TNR: variants seen among roughly 807,000 people sequenced by gnomAD.
TNR encodes the protein tenascin-R.
A neutral mutation model predicts 150.4 loss-of-function variants in TNR; 45 were observed. That is an observed-to-expected ratio of 0.30 (90% CI 0.24 to 0.38). TNR has a LOEUF of 0.38. Ranked by LOEUF, TNR falls within the 10% of genes least tolerant of loss-of-function variation. TNR has a pLI of 1.00. For missense variants in TNR, 1,544 were observed against 1,759.1 expected (o/e 0.88, Z 2.19); for synonymous variants, 687 against 678.4 (o/e 1.01, Z -0.20).
intron 20 of TNR, among the ~76,000 whole-genome samples, chr1:175,331,009 CTT>C (rs1209704454): frequency 2.1e-5 from 1 of 48,684 alleles, no homozygotes; most frequent in African/African-American, 7.6e-5. Flanking sequence ...TTCTTTCTTT[CTT>C]TCTTTCTTTC....
chr1:175,375,728 G>A lies in TNR; in HGVS notation c.1963+3824C>T, dbSNP rs540593696. Reference sequence around the variant, plus strand: ...TTTAAGTGTTGAGTCAACAGTGAGAGTAAAGGGGGCCTGACCTTGTGCCCA... The same window carrying A: ...TTTAAGTGTTGAGTCAACAGTGAGAATAAAGGGGGCCTGACCTTGTGCCCA... On this transcript the variant is annotated intron_variant, in intron 9 of 22. Transcript: ENST00000367674. Among the ~76,000 whole-genome samples the A allele has an allele frequency of 9.8e-5, 15 of 152,300 alleles. No individual in the cohort carries two copies. The East Asian group carries it at 1.7e-3, about 18-fold the overall frequency.
At chr1:175,517,069 G>C (rs2102165439) in intron 2 of TNR, among the ~76,000 whole-genome samples, 1 of 148,434 alleles carries the variant, frequency 6.7e-6, no homozygotes, top group African/African-American at 2.5e-5. Context: ...AAGAGAGAGA[G>C]ACCTTCAAAT....
intron 2 of TNR, among the ~76,000 whole-genome samples, chr1:175,497,188 C>T (rs988547239): frequency 4.6e-5 from 7 of 152,206 alleles, no homozygotes; most frequent in South Asian, 4.1e-4. Flanking sequence ...TTTTCCAGAA[C>T]GCATACTTTG....
chr1:175,559,883 T>C (rs1000591435), intron 1 of TNR, among the ~76,000 whole-genome samples: 1 of 152,214 alleles, frequency 6.6e-6, no homozygotes, highest in African/African-American at 2.4e-5. Context: ...GTTACTCTTA[T>C]GGCAACCTTC....
intron 2 of TNR, among the ~76,000 whole-genome samples, chr1:175,473,397 C>A (rs755463996): frequency 6.6e-6 from 1 of 152,132 alleles, no homozygotes; most frequent in Non-Finnish European, 1.5e-5. Context: ...ACCAGTATTG[C>A]CCCCTTGATG....
intron 2 of TNR, among the ~76,000 whole-genome samples, chr1:175,425,063 G>T (rs1411158043): frequency 6.6e-6 from 1 of 152,094 alleles, no homozygotes; most frequent in Non-Finnish European, 1.5e-5. Flanking sequence ...AGACCTCAAG[G>T]CTCAGATTTG....
intron 2 of TNR, among the ~76,000 whole-genome samples, chr1:175,477,728 T>G (rs1657609818): frequency 6.6e-6 from 1 of 152,224 alleles, no homozygotes; most frequent in Non-Finnish European, 1.5e-5. Context: ...GAAAATTAGA[T>G]GAAGGCTGTT....
intron 2 of TNR, among the ~76,000 whole-genome samples, chr1:175,513,145 C>T (rs1176741330): frequency 2.0e-5 from 3 of 152,152 alleles, no homozygotes; most frequent in Non-Finnish European, 4.4e-5. Flanking sequence ...ACATGGTAAT[C>T]CTTGTAATGG....
At chr1:175,571,481 A>G (rs777312560) in intron 1 of TNR, among the ~76,000 whole-genome samples, 9 of 152,248 alleles carry the variant, frequency 5.9e-5, no homozygotes, top group Non-Finnish European at 1.3e-4. Flanking sequence ...AAGTGGCACA[A>G]TTAACAAATG....
rs116466056 is a variant in TNR at position 175,691,705 on chromosome 1, T to C, written c.-165+51521A>G. Among the ~76,000 whole-genome samples, 4 of 152,270 alleles carry C rather than the reference T, an allele frequency of 2.6e-5. 1 individual carries two copies. The highest frequency in any genetic ancestry group is 5.9e-5 in the Non-Finnish European group (4 of 68,016). On this transcript the variant is annotated intron_variant, in intron 1 of 22. Coordinates refer to ENST00000367674, the MANE Select transcript of TNR (RefSeq NM_003285.3). Reference sequence around the variant, plus strand: ...CTCAGATCAGGGGAAACCTGTTAGCTTAGGTGACAGACAGGCAGCCTGCAG... The same window carrying C: ...CTCAGATCAGGGGAAACCTGTTAGCCTAGGTGACAGACAGGCAGCCTGCAG...
intron 8 of TNR, among the ~76,000 whole-genome samples, chr1:175,384,754 C>T (rs1032950658): frequency 1.3e-5 from 2 of 152,238 alleles, no homozygotes; most frequent in African/African-American, 2.4e-5. Flanking sequence ...CCTGGATAGT[C>T]TCCCAATTTC....
intron 1 of TNR, among the ~76,000 whole-genome samples, chr1:175,711,248 G>T (rs1667005457): frequency 6.6e-6 from 1 of 152,168 alleles, no homozygotes; most frequent in Admixed American, 6.5e-5. Flanking sequence ...GTTCACCAGG[G>T]CAGGCTTCAC....
At chr1:175,709,651 C>T (rs1198864986) in intron 1 of TNR, among the ~76,000 whole-genome samples, 1 of 152,208 alleles carries the variant, frequency 6.6e-6, no homozygotes, top group Non-Finnish European at 1.5e-5. Context: ...TAAGGCCTCA[C>T]ATGCTCAGTG....
At chr1:175,576,935 A>C (rs1662139535) in intron 1 of TNR, among the ~76,000 whole-genome samples, 1 of 152,140 alleles carries the variant, frequency 6.6e-6, no homozygotes, top group African/African-American at 2.4e-5. Flanking sequence ...TTTTCCCATC[A>C]CTGGACTCTG....
At chr1:175,646,707 T>A (rs1664819626) in intron 1 of TNR, among the ~76,000 whole-genome samples, 4 of 152,226 alleles carry the variant, frequency 2.6e-5, no homozygotes, top group Non-Finnish European at 5.9e-5. Flanking sequence ...CTGGTCTACC[T>A]TACGGCAGCA....
At chr1:175,653,090 C>T (rs1424664620) in intron 1 of TNR, among the ~76,000 whole-genome samples, 2 of 152,144 alleles carry the variant, frequency 1.3e-5, no homozygotes, top group Non-Finnish European at 2.9e-5. Flanking sequence ...AAGGGCACAG[C>T]GACTCTGGAG....
chr1:175,566,428 C>T (rs992072459), intron 1 of TNR, among the ~76,000 whole-genome samples: 1 of 152,180 alleles, frequency 6.6e-6, no homozygotes, highest in East Asian at 1.9e-4. Context: ...GCAGAGGCCC[C>T]GCCTTGCAAG....
chr1:175,644,109 A>C (rs946722539), intron 1 of TNR, among the ~76,000 whole-genome samples: 2 of 152,246 alleles, frequency 1.3e-5, no homozygotes, highest in Non-Finnish European at 2.9e-5. Flanking sequence ...AATAGTATGC[A>C]TGTGATGAGA....
rs1571275973 is a variant in TNR at position 175,316,186 on chromosome 1, T to A, written c.*7171A>T. On this transcript the variant is annotated 3_prime_UTR_variant, in exon 23 of 23. Coordinates refer to ENST00000367674, the MANE Select transcript of TNR (RefSeq NM_003285.3). Reference sequence around the variant, plus strand: ...AAAATACCAGGTTGCCAAGTACTGATTTCCTTCTAAATTCCCCAAAGTAGC... The same window carrying A: ...AAAATACCAGGTTGCCAAGTACTGAATTCCTTCTAAATTCCCCAAAGTAGC... 1 of 152,334 alleles carries A rather than the reference T, an allele frequency of 6.6e-6. No homozygotes were observed. Among genetic ancestry groups the A allele is most frequent in the East Asian group, 1.9e-4 (1 of 5,178 alleles). 9.4% of individuals were successfully genotyped at this position (152,334 alleles called of 1,614,324 possible).
Sources: gnomAD v4.1 joint callset for allele counts (sites outside exome capture counted in the v4.1 genomes callset) on GRCh38, gnomAD v4.1.1 for gene constraint, MANE v1.5 for transcripts, NCBI Gene and HGNC (gene_info 2026-07-23, HGNC 2026-07-21) for gene names.